The following ACACA variants were observed in gnomAD, a reference collection of about 807,000 sequenced individuals.
The protein encoded by ACACA is acetyl-CoA carboxylase 1.
Under a neutral mutation model 296.1 loss-of-function variants are expected in ACACA, and 103 were observed. The observed-to-expected ratio is 0.35, with a 90% CI of 0.30 to 0.41. The LOEUF is 0.41. Ranked by LOEUF, ACACA falls within the 10% of genes least tolerant of loss-of-function variation. The pLI is 1.00. For synonymous variants in ACACA, 953 were observed against 1,038.6 expected (o/e 0.92, Z 1.58); for missense variants, 1,554 against 2,989.7 (o/e 0.52, Z 11.20).
At chr17:37,165,737 C>T (rs2076641719) in intron 41 of ACACA, among the ~76,000 whole-genome samples, 1 of 150,354 alleles carries the variant, frequency 6.7e-6, no homozygotes, top group African/African-American at 2.5e-5. Context: ...TGTAGTGGCA[C>T]AATCTTGGCT....
At chr17:37,292,230 T>C (rs1310961265) in intron 3 of ACACA, among the ~76,000 whole-genome samples, 1 of 152,190 alleles carries the variant, frequency 6.6e-6, no homozygotes, top group Non-Finnish European at 1.5e-5. Flanking sequence ...ACTTGCTAAG[T>C]AAAGCAGTAA....
intron 16 of ACACA, 75 bp downstream of exon 16, chr17:37,251,930 A>G: frequency 7.5e-7 from 1 of 1,334,730 alleles, no homozygotes; most frequent in Non-Finnish European, 1.1e-6. Context: ...AGAAGAATAA[A>G]TGGGTCTTTG....
intron 10 of ACACA, among the ~76,000 whole-genome samples, chr17:37,268,850 A>G (rs1373144801): frequency 6.7e-6 from 1 of 149,612 alleles, no homozygotes; most frequent in Non-Finnish European, 1.5e-5. Flanking sequence ...GGACTTTCAC[A>G]GAAAACCTTC....
chr17:37,374,609 T>A (rs141317967), intron 1 of ACACA, among the ~76,000 whole-genome samples: 296 of 152,192 alleles, frequency 1.9e-3, no homozygotes, highest in South Asian at 0.012. Flanking sequence ...TTATGCTCCA[T>A]CTATCTATGC....
At chr17:37,146,719 A>G (rs1389824477) in intron 45 of ACACA, among the ~76,000 whole-genome samples, 1 of 142,374 alleles carries the variant, frequency 7.0e-6, no homozygotes, top group Non-Finnish European at 1.5e-5. Flanking sequence ...GGGAGAGAAG[A>G]AGGAGGGGGG....
intron 22 of ACACA, among the ~76,000 whole-genome samples, chr17:37,242,280 T>C (rs1452134861): frequency 1.3e-5 from 2 of 152,158 alleles, no homozygotes; most frequent in East Asian, 1.9e-4. Flanking sequence ...AATTAATGAC[T>C]ACATTACAAA....
rs570010446 is a variant in ACACA at position 37,213,435 on chromosome 17, T to C, written c.3684-2945A>G. On this transcript the variant is annotated intron_variant, in intron 29 of 55. Transcript: ENST00000616317. ...TTCAAATACATAAATGGGACATAAATTCACTTCCTATCTGCTGTTTGGGCT... is the reference window on the plus strand; with the variant it reads ...TTCAAATACATAAATGGGACATAAACTCACTTCCTATCTGCTGTTTGGGCT... 3.9e-5 allele frequency among the ~76,000 whole-genome samples: 6 copies of C among 151,962 alleles called. No homozygotes were observed. The South Asian group carries it at 1.2e-3, about 32-fold the overall frequency.
chr17:37,378,110 A>G, intron 1 of ACACA: 1 of 690,198 alleles, frequency 1.4e-6, no homozygotes, highest in Non-Finnish European at 2.4e-6. Flanking sequence ...GCTTTCTGGA[A>G]ACCAATCTTT....
intron 55 of ACACA, among the ~76,000 whole-genome samples, chr17:37,087,684 T>C (rs539270226): frequency 1.4e-4 from 21 of 152,088 alleles, no homozygotes; most frequent in African/African-American, 4.6e-4. Context: ...ACCCAAAACA[T>C]GCCAATGGGG....
chr17:37,359,273 A>T (rs1167649131), intron 1 of ACACA, among the ~76,000 whole-genome samples: 1 of 152,128 alleles, frequency 6.6e-6, no homozygotes, highest in Admixed American at 6.5e-5. Flanking sequence ...CGGCGCTGCC[A>T]GGGCCGCCGG....
intron 41 of ACACA, among the ~76,000 whole-genome samples, chr17:37,174,904 C>T (rs1275439898): frequency 6.6e-6 from 1 of 152,150 alleles, no homozygotes; most frequent in East Asian, 1.9e-4. Flanking sequence ...TCTCTGAATA[C>T]CAACCCCTTT....
chr17:37,364,557 C>G (rs1324566350), intron 1 of ACACA, among the ~76,000 whole-genome samples: 2 of 147,168 alleles, frequency 1.4e-5, no homozygotes, highest in African/African-American at 5.2e-5. Context: ...GGCCACTGCA[C>G]TCCAGCCTGG....
chr17:37,246,906 G>A lies in ACACA; in HGVS notation c.2380C>T (p.Pro794Ser). Reference protein sequence around the residue: ...KENDPSVMRSPSAGKLIQYIV... With the variant: ...KENDPSVMRSSSAGKLIQYIV... ...TACTGGATTAACTTCCCAGCAGAAG[G>A]TGAGCGCATCACCGATGGGTCATTT... The change falls in exon 19 of 56, where the codon CCT becomes TCT. Residue 794 changes from proline to serine, a missense_variant. Coordinates refer to ENST00000616317, the MANE Select transcript of ACACA (RefSeq NM_198834.3). The A allele has an allele frequency of 6.2e-7, 1 of 1,614,102 alleles. No individual in the cohort carries two copies. Among genetic ancestry groups the A allele is most frequent in the South Asian group, 1.1e-5 (1 of 91,060 alleles).
intron 43 of ACACA, among the ~76,000 whole-genome samples, chr17:37,153,406 A>G (rs2076119052): frequency 1.3e-5 from 2 of 152,206 alleles, no homozygotes; most frequent in Non-Finnish European, 2.9e-5. Context: ...CTGTGACCCT[A>G]TGTGAACTAC....
chr17:37,207,515 C>A, intron 31 of ACACA, 142 bp downstream of exon 31: 6 of 950,686 alleles, frequency 6.3e-6, no homozygotes, highest in Non-Finnish European at 8.1e-6. Context: ...ACCTCTCCAA[C>A]GGCATATACA....
At chr17:37,350,914 C>T (rs560661814) in intron 1 of ACACA, among the ~76,000 whole-genome samples, 3 of 152,230 alleles carry the variant, frequency 2.0e-5, no homozygotes, top group Admixed American at 6.5e-5. Context: ...GGGCAGATCA[C>T]CTGAGGTCGG....
intron 29 of ACACA, among the ~76,000 whole-genome samples, chr17:37,211,702 T>C (rs985112089): frequency 3.9e-5 from 6 of 152,158 alleles, no homozygotes; most frequent in Admixed American, 2.6e-4. Flanking sequence ...AGGAGCAGAA[T>C]AGACTGAGCA....
chr17:37,335,583 A>G (rs1463803986), intron 2 of ACACA, among the ~76,000 whole-genome samples: 1 of 152,180 alleles, frequency 6.6e-6, no homozygotes, highest in Non-Finnish European at 1.5e-5. Flanking sequence ...AACAAGATTT[A>G]TACAATCATG....
chr17:37,363,179 CTTTTTTTT>C lies in ACACA; in HGVS notation c.39-23337_39-23330del, dbSNP rs902746004. On this transcript the variant is annotated intron_variant, in intron 1 of 55. Transcript: ENST00000616317. ...CTTTTTCTTTTCTCTTTCTCTTTTTCTTTTTTTTTTTTTTTTTTTTTTTGAGACGGTCT... is the reference window on the plus strand; with the variant it reads ...CTTTTTCTTTTCTCTTTCTCTTTTTCTTTTTTTTTTTTTTTGAGACGGTCT... 1.0e-3 allele frequency among the ~76,000 whole-genome samples: 75 copies of C among 72,856 alleles called. 1 individual carries two copies. The highest frequency in any genetic ancestry group is 4.4e-3 in the African/African-American group (66 of 14,980). The allele number at this position is 72,856 out of a possible 152,430, so 47.8% of individuals were successfully genotyped here.
Sources: allele counts gnomAD v4.1 joint callset (sites outside exome capture counted in the v4.1 genomes callset), GRCh38; gene constraint gnomAD v4.1.1; transcripts MANE v1.5; gene names NCBI Gene and HGNC (gene_info 2026-07-23, HGNC 2026-07-21).